Variants in CADM2 observed in about 807,000 individuals in gnomAD.
CADM2 encodes the protein immunoglobulin superfamily member 4D.
CADM2 carries 12 observed loss-of-function variants against 49.8 expected under a neutral mutation model. The observed-to-expected ratio is 0.24, with a 90% CI of 0.15 to 0.39. The LOEUF (loss-of-function observed/expected upper bound fraction) is 0.39. Ranked by LOEUF, CADM2 falls within the 10% of genes least tolerant of loss-of-function variation. The pLI, the probability that CADM2 is intolerant of heterozygous loss-of-function variation, is 1.00. For synonymous variants in CADM2, 214 were observed against 175.4 expected (o/e 1.22, Z -1.74); for missense variants, 378 against 492.3 (o/e 0.77, Z 2.20).
chr3:85,156,905 G>C (rs2040145009), intron 1 of CADM2, among the ~76,000 whole-genome samples: 1 of 152,112 alleles, frequency 6.6e-6, no homozygotes. Flanking sequence ...AATTGTCCCT[G>C]TTTGCAGACG....
At chr3:85,460,534 T>C (rs2038198019) in intron 1 of CADM2, among the ~76,000 whole-genome samples, 1 of 152,188 alleles carries the variant, frequency 6.6e-6, no homozygotes, top group Non-Finnish European at 1.5e-5. Context: ...ATGAAGGTTA[T>C]AGGCATACTC....
At chr3:85,136,868 A>G (rs1447904735) in intron 1 of CADM2, among the ~76,000 whole-genome samples, 1 of 152,008 alleles carries the variant, frequency 6.6e-6, no homozygotes, top group East Asian at 1.9e-4. Context: ...ACATTTTGTA[A>G]TTGTGTAAAT....
At chr3:85,897,060 T>C (rs1715307997) in intron 5 of CADM2, among the ~76,000 whole-genome samples, 1 of 152,020 alleles carries the variant, frequency 6.6e-6, no homozygotes, top group Non-Finnish European at 1.5e-5. Context: ...AAAGCATTAA[T>C]AGGTATTTAG....
rs372842923 is a variant in CADM2, at chr3:85,228,859, G to C, written c.61+269191G>C. ...TCATATCTTGAACACTGTGCTGGGA[G>C]AACCACTGCTCTCTTCAGAGCTGTC... is the stretch of plus-strand genomic sequence containing the variant. On this transcript the variant is annotated intron_variant, in intron 1 of 9. Coordinates refer to ENST00000383699, the MANE Select transcript of CADM2 (RefSeq NM_001167675.2). Among the ~76,000 whole-genome samples the C allele has an allele frequency of 2.6e-5, 4 of 152,292 alleles. No homozygotes were observed. In the South Asian group the frequency reaches 8.3e-4, roughly 32 times the overall value.
chr3:85,086,291 T>C (rs1559652738), intron 1 of CADM2, among the ~76,000 whole-genome samples: 1 of 152,022 alleles, frequency 6.6e-6, no homozygotes, highest in African/African-American at 2.4e-5. Context: ...TTACTCTATA[T>C]TTCAATACAG....
chr3:85,694,909 A>T (rs763929929), intron 1 of CADM2, among the ~76,000 whole-genome samples: 1 of 152,148 alleles, frequency 6.6e-6, no homozygotes, highest in Non-Finnish European at 1.5e-5. Flanking sequence ...AGCCTTGGCA[A>T]CACAGTGAGA....
At chr3:85,714,549 C>T (rs539000623) in intron 1 of CADM2, among the ~76,000 whole-genome samples, 85 of 152,128 alleles carry the variant, frequency 5.6e-4, no homozygotes, top group African/African-American at 2.0e-3. Context: ...GCCTCAGCCT[C>T]CTGAGTAACT....
At chr3:85,793,812 A>G (rs1223408175) in intron 2 of CADM2, among the ~76,000 whole-genome samples, 1 of 152,214 alleles carries the variant, frequency 6.6e-6, no homozygotes, top group Non-Finnish European at 1.5e-5. Context: ...TTTAGTCAGA[A>G]TTGAATTTAC....
At chr3:85,646,104 G>C (rs1428458533) in intron 1 of CADM2, among the ~76,000 whole-genome samples, 1 of 151,780 alleles carries the variant, frequency 6.6e-6, no homozygotes, top group Non-Finnish European at 1.5e-5. Flanking sequence ...TTAGTACCTG[G>C]GATAAAAATT....
At chr3:85,887,972 A>G (rs1369336623) in intron 5 of CADM2, among the ~76,000 whole-genome samples, 1 of 152,210 alleles carries the variant, frequency 6.6e-6, no homozygotes, top group Admixed American at 6.5e-5. Context: ...TTCTCCAGGC[A>G]GTGAACTCTT....
At position 85,632,368 on chromosome 3, in the gene CADM2, T is replaced by C. The variant is rs548301105; in HGVS notation, c.62-94154T>C. ...TTTGTAAATTGCCCAGTCTTGGGTA[T>C]GTCATTATCAGCAGTGTGAAAACAG... On this transcript the variant is annotated intron_variant, in intron 1 of 9. Coordinates refer to ENST00000383699, the MANE Select transcript of CADM2 (RefSeq NM_001167675.2). 2.0e-5 allele frequency among the ~76,000 whole-genome samples: 3 copies of C among 152,244 alleles called. No homozygotes were observed. In the South Asian group the frequency reaches 6.2e-4, roughly 32 times the overall value.
At chr3:85,289,901 C>G (rs942078634) in intron 1 of CADM2, among the ~76,000 whole-genome samples, 14 of 152,052 alleles carry the variant, frequency 9.2e-5, no homozygotes, top group African/African-American at 3.1e-4. Context: ...AATAAATTAA[C>G]TAAGGTTATA....
At chr3:86,029,464 GA>G (rs2107135915) in intron 8 of CADM2, among the ~76,000 whole-genome samples, 1 of 152,062 alleles carries the variant, frequency 6.6e-6, no homozygotes, top group Non-Finnish European at 1.5e-5. Flanking sequence ...GTTTTGGGGG[GA>G]AAAGGTGAGA....
intron 1 of CADM2, among the ~76,000 whole-genome samples, chr3:85,278,496 G>T (rs918232732): frequency 6.6e-6 from 1 of 151,350 alleles, no homozygotes; most frequent in African/African-American, 2.4e-5. Flanking sequence ...TTTATCACTT[G>T]TGTTGAAACT....
intron 1 of CADM2, among the ~76,000 whole-genome samples, chr3:85,620,127 C>A (rs191698664): frequency 1.3e-5 from 2 of 152,172 alleles, no homozygotes; most frequent in East Asian, 3.9e-4. Flanking sequence ...TGGTCAAGTC[C>A]TTGGGTACCA....
intron 1 of CADM2, among the ~76,000 whole-genome samples, chr3:85,497,519 A>G (rs1450535550): frequency 1.3e-5 from 2 of 152,136 alleles, no homozygotes; most frequent in Non-Finnish European, 2.9e-5. Flanking sequence ...TAAAGAATGT[A>G]TTTAATTTTG....
At chr3:85,138,857 A>G (rs1243664873) in intron 1 of CADM2, among the ~76,000 whole-genome samples, 3 of 152,194 alleles carry the variant, frequency 2.0e-5, no homozygotes, top group Non-Finnish European at 2.9e-5. Flanking sequence ...CAGTAAAAGT[A>G]TGAGAAAACA....
At chr3:86,056,619 G>A (rs1738023030) in intron 8 of CADM2, among the ~76,000 whole-genome samples, 1 of 152,200 alleles carries the variant, frequency 6.6e-6, no homozygotes. Context: ...GCAGTCCAGT[G>A]CATGAAATTA....
intron 1 of CADM2, among the ~76,000 whole-genome samples, chr3:85,646,818 A>G (rs551251958): frequency 5.9e-5 from 9 of 151,998 alleles, no homozygotes; most frequent in African/African-American, 2.2e-4. Flanking sequence ...TTAGCTGCCA[A>G]TGTGTCTTGT....
Sources: allele counts gnomAD v4.1 joint callset (sites outside exome capture counted in the v4.1 genomes callset), GRCh38; gene constraint gnomAD v4.1.1; transcripts MANE v1.5; gene names NCBI Gene and HGNC (gene_info 2026-07-23, HGNC 2026-07-21).